AKAP8L: variants seen among roughly 807,000 people sequenced by gnomAD.
AKAP8L encodes A-kinase anchor protein 8-like.
AKAP8L carries 34 observed loss-of-function variants against 77.5 expected under a neutral mutation model. The observed-to-expected ratio is 0.44, with a 90% CI of 0.33 to 0.58. AKAP8L has a LOEUF of 0.58. Among genes scored for constraint, AKAP8L ranks in the 20% least tolerant of loss-of-function variants. The pLI is 0.02. For missense variants in AKAP8L, 806 were observed against 887.6 expected (o/e 0.91, Z 1.17); for synonymous variants, 342 against 340.7 (o/e 1.00, Z -0.04).
intron 2 of AKAP8L, among the ~76,000 whole-genome samples, chr19:15,406,822 G>T (rs566002079): frequency 1.2e-4 from 18 of 152,216 alleles, no homozygotes; most frequent in South Asian, 1.0e-3. Flanking sequence ...GATATTTATG[G>T]ACCAAAAATA....
chr19:15,413,994 A>G (rs1968154019), intron 1 of AKAP8L, among the ~76,000 whole-genome samples: 1 of 151,478 alleles, frequency 6.6e-6, no homozygotes, highest in Non-Finnish European at 1.5e-5. Flanking sequence ...GTTCCACAAT[A>G]CCATCTGCAA....
Position 15,403,531 on chromosome 19 carries a change from C to A in AKAP8L, c.306G>T (p.Val102=). The A allele has an allele frequency of 6.2e-7, 1 of 1,614,024 alleles. No homozygotes were observed. The highest frequency in any genetic ancestry group is 8.5e-7 in the Non-Finnish European group (1 of 1,179,904). ...GCATCATGTCTGTCTCCAAATGCGGCACCATATCTAAGCGCTGGTTAATTC... is the reference window on the plus strand; with the variant it reads ...GCATCATGTCTGTCTCCAAATGCGGAACCATATCTAAGCGCTGGTTAATTC... ...LSRINQRLDM[V]PHLETDMMQG... The change falls in exon 4 of 14, where the codon GTG becomes GTT. Residue 102 remains valine (V), a synonymous_variant. Coordinates refer to ENST00000397410, the MANE Select transcript of AKAP8L (RefSeq NM_014371.4). The surrounding 1 kb of genome is among the most constrained non-coding windows in gnomAD (Gnocchi z 4.3).
intron 12 of AKAP8L, 93 bp from the exon 13 acceptor site, chr19:15,380,705 C>T: frequency 8.7e-7 from 1 of 1,146,282 alleles, no homozygotes; most frequent in Non-Finnish European, 1.3e-6. Flanking sequence ...CCCCACCCCG[C>T]CCCTGCACCC....
chr19:15,414,259 G>A (rs926451431), intron 1 of AKAP8L, among the ~76,000 whole-genome samples: 2 of 151,742 alleles, frequency 1.3e-5, no homozygotes, highest in African/African-American at 4.8e-5. Flanking sequence ...TTTTCTCCAT[G>A]TTGGTCAGGC....
chr19:15,418,385 A>G (rs114193735), intron 1 of AKAP8L, among the ~76,000 whole-genome samples: 2,158 of 151,402 alleles, frequency 0.014, 46 homozygotes, highest in African/African-American at 0.05. Flanking sequence ...AACCCTTCCA[A>G]TATTTACTTA....
Position 15,418,624 on chromosome 19 carries a change from G to A in AKAP8L, c.13+287C>T, listed in dbSNP as rs533420090. On this transcript the variant is annotated intron_variant, in intron 1 of 13. Transcript: ENST00000397410. ...AGGAGCGCAGGCCAGGGACGGAGGT[G>A]GTGGGGGCGGAGACCTCGTGCGCTG... Among the ~76,000 whole-genome samples, 135 of 152,228 alleles carry A rather than the reference G, an allele frequency of 8.9e-4. 3 individuals carry two copies. The highest frequency in any genetic ancestry group is 2.5e-4 in the Non-Finnish European group (17 of 68,044).
chr19:15,394,596 T>C (rs948058046), intron 12 of AKAP8L, among the ~76,000 whole-genome samples: 5 of 152,126 alleles, frequency 3.3e-5, no homozygotes, highest in African/African-American at 7.2e-5. Flanking sequence ...CAGTCTGGAC[T>C]GTGGTGGTGC....
rs765890949 is a variant in AKAP8L at position 15,397,161 on chromosome 19, G to T, written c.1525C>A (p.Arg509=). ...QKHLKTMDHN[R]NRRLMMEQSK... is the part of the protein sequence containing the mutation. ...CTGTGGCCACTCACCCTGCGGTTCC[G>T]GTTGTGATCCATGGTCTTCAGATGC... Residue 509 remains arginine, a synonymous_variant, in exon 12 of 14, where the codon CGG becomes AGG. Coordinates refer to ENST00000397410, the MANE Select transcript of AKAP8L (RefSeq NM_014371.4). This position sits in a 1 kb window ranked among gnomAD's most constrained non-coding sequence, Gnocchi z 4.7. 4.3e-6 allele frequency: 7 copies of T among 1,613,710 alleles called. No homozygotes were observed. Among genetic ancestry groups the T allele is most frequent in the Non-Finnish European group, 5.9e-6 (7 of 1,179,874 alleles).
At chr19:15,407,617 C>A (rs1223205872) in intron 2 of AKAP8L, among the ~76,000 whole-genome samples, 1 of 152,138 alleles carries the variant, frequency 6.6e-6, no homozygotes, top group Non-Finnish European at 1.5e-5. Context: ...TATATATCAG[C>A]AATGAATGGA....
chr19:15,403,711 G>C lies in AKAP8L; in HGVS notation c.126C>G (p.Tyr42Ter). ...GTWNSGTNRGYEGYGYGYGYG... is the reference protein window; with the variant it reads ...GTWNSGTNRG ...AGCCATAGCCATAGCCATAGCCCTC[G>C]TAGCCTGCAGTGAGGGAGACAGAGA... Residue 42 changes from tyrosine (Y) to a stop codon, truncating the protein, a stop_gained, in exon 4 of 14, where the codon TAC becomes TAG. Transcript: ENST00000397410. LOFTEE classifies it high-confidence loss of function. The surrounding 1 kb of genome is among the most constrained non-coding windows in gnomAD (Gnocchi z 4.3). 6.4e-7 allele frequency: 1 copy of C among 1,572,286 alleles called. No individual in the cohort carries two copies. Among genetic ancestry groups the C allele is most frequent in the Non-Finnish European group, 8.6e-7 (1 of 1,157,560 alleles).
In AKAP8L at chr19:15,401,455, G is replaced by A. The variant is rs541380620; in HGVS notation, c.511C>T (p.Arg171Cys). The A allele has an allele frequency of 5.0e-6, 8 of 1,613,740 alleles. No individual in the cohort carries two copies. The highest frequency in any genetic ancestry group is 5.9e-6 in the Non-Finnish European group (7 of 1,179,904). ...YDAYRDQFRM[R>C]GNDTFGPRAQ... ...CTGGGACCGAAGGTGTCGTTGCCAC[G>A]CATGCGGAACTGGTCGCGGTAGGCA... is the stretch of plus-strand genomic sequence containing the variant. Residue 171 changes from arginine (R) to cysteine (C), a missense_variant, in exon 5 of 14, where the codon CGT (arginine) becomes TGT (cysteine). Transcript: ENST00000397410. This position sits in a 1 kb window ranked among gnomAD's most constrained non-coding sequence, Gnocchi z 6.2.
chr19:15,382,530 A>G (rs531855591), intron 12 of AKAP8L, among the ~76,000 whole-genome samples: 5 of 152,300 alleles, frequency 3.3e-5, no homozygotes, highest in African/African-American at 1.2e-4. Flanking sequence ...ATACAGATTG[A>G]GTATCCCTTA....
At chr19:15,400,410 A>T (rs1411923775) in intron 7 of AKAP8L, 52 bp from the exon 8 acceptor site, 636 of 1,365,058 alleles carry the variant, frequency 4.7e-4, no homozygotes, top group East Asian at 1.3e-3. Context: ...TTTTTTTTTT[A>T]AAAGAAACCA....
chr19:15,397,380 G>C lies in AKAP8L; in HGVS notation c.1406-100C>G, dbSNP rs1967798118. ...CACCAGCTCCTCCTCAACTCGCCCT[G>C]CCACTTCCACCTGGGCCTGAGCCAA... is the stretch of plus-strand genomic sequence containing the variant. On this transcript the variant is annotated intron_variant, in intron 11 of 13. Coordinates refer to ENST00000397410, the MANE Select transcript of AKAP8L (RefSeq NM_014371.4). This position sits in a 1 kb window ranked among gnomAD's most constrained non-coding sequence, Gnocchi z 4.7. 2 of 1,522,248 alleles carry C rather than the reference G, an allele frequency of 1.3e-6. No homozygotes were observed. The highest frequency in any genetic ancestry group is 2.1e-4 in the Middle Eastern group (1 of 4,868). 94.3% of individuals were successfully genotyped at this position (1,522,248 alleles called of 1,614,324 possible). A position where few individuals can be genotyped will look rare whatever the true frequency, so the allele number is the denominator to read the frequency against.
At chr19:15,389,241 A>AG (rs1484793888) in intron 12 of AKAP8L, among the ~76,000 whole-genome samples, 8 of 151,768 alleles carry the variant, frequency 5.3e-5, no homozygotes, top group Admixed American at 1.3e-4. Flanking sequence ...AAAAGAAAAA[A>AG]AAAAAAAAAG....
Position 15,401,613 on chromosome 19 carries a change from C to A in AKAP8L, c.363-10G>T. The A allele has an allele frequency of 6.4e-7, 1 of 1,560,212 alleles. No homozygotes were observed. Among genetic ancestry groups the A allele is most frequent in the Non-Finnish European group, 8.7e-7 (1 of 1,152,240 alleles). On this transcript the variant is annotated splice_polypyrimidine_tract_variant and intron_variant, in intron 4 of 13. Coordinates refer to ENST00000397410, the MANE Select transcript of AKAP8L (RefSeq NM_014371.4). The surrounding 1 kb of genome is among the most constrained non-coding windows in gnomAD (Gnocchi z 6.2). The stretch of plus-strand genomic sequence containing the variant: ...CTCATAAGAGTCATACCTGCAGAGG[C>A]ATGGGGTGAGCATCAGGTGGAGCCC...
At chr19:15,400,761 G>A (rs1457752182) in intron 7 of AKAP8L, 33 bp downstream of exon 7, 3 of 1,612,964 alleles carry the variant, frequency 1.9e-6, no homozygotes, top group South Asian at 1.1e-5. Context: ...CGCCCTGCCT[G>A]CAGACAGAAA....
rs1389977106 is a variant in AKAP8L, at chr19:15,402,000, G to A, written c.363-397C>T. ...GCACCCCAGCACCCTGCAGGATGCA[G>A]GCAGGTCCAGCACAATGAATGCGCA... On this transcript the variant is annotated intron_variant, in intron 4 of 13. Transcript: ENST00000397410. The surrounding 1 kb of genome is among the most constrained non-coding windows in gnomAD (Gnocchi z 6.2). 6.6e-6 allele frequency among the ~76,000 whole-genome samples: 1 copy of A among 152,224 alleles called. No individual in the cohort carries two copies. The highest frequency in any genetic ancestry group is 1.9e-4 in the East Asian group (1 of 5,200).
chr19:15,380,089 G>A lies in AKAP8L; in HGVS notation c.*33C>T, dbSNP rs893030892. 1 of 1,450,718 alleles carries A rather than the reference G, an allele frequency of 6.9e-7. No homozygotes were observed. The highest frequency in any genetic ancestry group is 9.0e-7 in the Non-Finnish European group (1 of 1,113,778). The allele number at this position is 1,450,718 out of a possible 1,614,324, so 89.9% of individuals were successfully genotyped here. A position where few individuals can be genotyped will look rare whatever the true frequency, so the allele number is the denominator to read the frequency against. The stretch of plus-strand genomic sequence containing the variant: ...TTTATTAGGTTTGGTTTCCAGCTTC[G>A]GCCACGCGGGCTCCGCCCGCCCCGA... On this transcript the variant is annotated 3_prime_UTR_variant, in exon 14 of 14. Transcript: ENST00000397410.
Sources: gnomAD v4.1 joint callset for allele counts (sites outside exome capture counted in the v4.1 genomes callset) on GRCh38, gnomAD v4.1.1 for gene constraint, Gnocchi (gnomAD v3.1) non-coding constraint, MANE v1.5 for transcripts, NCBI Gene and HGNC (gene_info 2026-07-23, HGNC 2026-07-21) for gene names.